Variants in PTGR3 observed in about 807,000 individuals in gnomAD.
PTGR3 encodes prostaglandin reductase 3.
the PTGR3 span, chr18:75,201,500 G>A: frequency 6.2e-7 from 1 of 1,614,120 alleles, no homozygotes; most frequent in Non-Finnish European, 8.5e-7. Context: ...TGACAGCACG[G>A]AATATGGACT....
chr18:75,195,529 G>C, the PTGR3 span: 2 of 152,188 alleles, frequency 1.3e-5, no homozygotes, highest in African/African-American at 4.8e-5. Context: ...CTTGGACCGG[G>C]CACCTTTTCT....
chr18:75,198,627 A>G, the PTGR3 span: 2 of 152,186 alleles, frequency 1.3e-5, no homozygotes, highest in African/African-American at 4.8e-5. Context: ...GCTTGAAGGA[A>G]TAGCATTTGG....
the PTGR3 span, among the ~76,000 whole-genome samples, chr18:75,204,494 T>G: frequency 6.6e-6 from 1 of 152,244 alleles, no homozygotes; most frequent in East Asian, 1.9e-4. Flanking sequence ...AACATCGTGG[T>G]TATTCGCAAG....
the PTGR3 span, chr18:75,209,124 G>A: frequency 1.5e-6 from 2 of 1,350,064 alleles, no homozygotes; most frequent in Non-Finnish European, 9.6e-7. This position sits in a 1 kb window ranked among gnomAD's most constrained non-coding sequence, Gnocchi z 4.7. Flanking sequence ...CGGGCCGCTC[G>A]GCTCGGCTGT....
the PTGR3 span, chr18:75,208,499 G>C: frequency 2.0e-3 from 2,106 of 1,044,958 alleles, 5 homozygotes; most frequent in Non-Finnish European, 2.3e-3. Context: ...GGGTGCGCGC[G>C]GGCGGCCCGG....
chr18:75,199,363 A>C, the PTGR3 span: 1 of 152,526 alleles, frequency 6.6e-6, no homozygotes, highest in Non-Finnish European at 1.5e-5. Flanking sequence ...AGTCTTTACA[A>C]AGGGAGAAAG....
chr18:75,198,008 G>T, the PTGR3 span: 2 of 152,262 alleles, frequency 1.3e-5, no homozygotes, highest in Non-Finnish European at 2.9e-5. Flanking sequence ...AATCAAGAAA[G>T]ATATTTTCAG....
the PTGR3 span, chr18:75,205,528 G>A: frequency 2.0e-6 from 2 of 976,978 alleles, no homozygotes; most frequent in Non-Finnish European, 2.4e-6. Flanking sequence ...CCCTTCTAGA[G>A]TCACCAGCTT....
chr18:75,200,543 C>G, the PTGR3 span: 1 of 152,242 alleles, frequency 6.6e-6, no homozygotes, highest in Non-Finnish European at 1.5e-5. Context: ...CATGCTGTTA[C>G]TAAGGCCTTG....
chr18:75,204,036 T>G, the PTGR3 span, among the ~76,000 whole-genome samples: 142 of 152,366 alleles, frequency 9.3e-4, 1 homozygote, highest in African/African-American at 3.3e-3. Context: ...GCCAGTTGTG[T>G]TCTGTGCAAT....
the PTGR3 span, among the ~76,000 whole-genome samples, chr18:75,204,499 C>T: frequency 6.6e-6 from 1 of 152,226 alleles, no homozygotes; most frequent in Non-Finnish European, 1.5e-5. Flanking sequence ...CGTGGTTATT[C>T]GCAAGGGCAA....
At chr18:75,195,993 C>G in the PTGR3 span, 1 of 152,184 alleles carries the variant, frequency 6.6e-6, no homozygotes, top group East Asian at 1.9e-4. Context: ...CTGTAAGTTT[C>G]TGCTGGCAAC....
the PTGR3 span, chr18:75,205,542 T>G: frequency 1.0e-6 from 1 of 963,536 alleles, no homozygotes; most frequent in Non-Finnish European, 1.2e-6. Context: ...CCAGCTTATA[T>G]GTACTTAAAA....
the PTGR3 span, chr18:75,201,239 T>C: frequency 1.7e-6 from 1 of 595,450 alleles, no homozygotes; most frequent in South Asian, 2.6e-5. Context: ...CATTTTTTTT[T>C]TTCCCCCAAG....
At chr18:75,209,070 C>T in the PTGR3 span, 1 of 1,505,360 alleles carries the variant, frequency 6.6e-7, no homozygotes, top group Non-Finnish European at 8.9e-7. This position sits in a 1 kb window ranked among gnomAD's most constrained non-coding sequence, Gnocchi z 4.7. Flanking sequence ...GCCTGCGCCT[C>T]CGCCCGCTCT....
At chr18:75,195,612 A>C in the PTGR3 span, 1 of 152,164 alleles carries the variant, frequency 6.6e-6, no homozygotes, top group South Asian at 2.1e-4. Context: ...CCCACATTTA[A>C]CAGTTTAAAA....
the PTGR3 span, chr18:75,201,330 C>T: frequency 2.5e-6 from 3 of 1,205,288 alleles, no homozygotes; most frequent in African/African-American, 3.1e-5. Flanking sequence ...ATATCCATTA[C>T]CAACTAAAAA....
At chr18:75,208,837 GC>G in the PTGR3 span, 2 of 1,484,386 alleles carry the variant, frequency 1.3e-6, no homozygotes, top group Non-Finnish European at 1.8e-6. Context: ...GGGTTGGGGG[GC>G]GCCGGGCTCA....
At chr18:75,198,622 A>C in the PTGR3 span, 2 of 152,156 alleles carry the variant, frequency 1.3e-5, no homozygotes, top group East Asian at 1.9e-4. Context: ...AACAGGCTTG[A>C]AGGAATAGCA....
Sources: allele counts gnomAD v4.1 joint callset (sites outside exome capture counted in the v4.1 genomes callset), GRCh38; gene constraint gnomAD v4.1.1; non-coding constraint Gnocchi (gnomAD v3.1); transcripts MANE v1.5; gene names NCBI Gene and HGNC (gene_info 2026-07-23, HGNC 2026-07-21).